The following KHDRBS2 variants were observed in gnomAD, a reference collection of about 807,000 sequenced individuals.
KHDRBS2 encodes KH RNA binding domain containing, signal transduction associated 2, also known as KH domain-containing, RNA-binding, signal transduction-associated protein 2.
KHDRBS2 carries 26 observed loss-of-function variants against 44.3 expected under a neutral mutation model. The observed-to-expected ratio is 0.59, with a 90% CI of 0.43 to 0.81. The LOEUF is 0.81. Ranked by LOEUF, KHDRBS2 falls within the 40% of genes least tolerant of loss-of-function variation. KHDRBS2 has a pLI of 0.00. For synonymous variants in KHDRBS2, 194 were observed against 151.1 expected, an observed-to-expected ratio of 1.28 and a Z score of -2.08; for missense variants, 476 against 433.1, an observed-to-expected ratio of 1.10 and a Z score of -0.88.
intron 2 of KHDRBS2, among the ~76,000 whole-genome samples, chr6:62,148,659 A>G (rs1386484735): frequency 6.6e-6 from 1 of 151,906 alleles, no homozygotes; most frequent in Non-Finnish European, 1.5e-5. Context: ...CTCTCTCACC[A>G]TTTGCTCACG....
intron 1 of KHDRBS2, among the ~76,000 whole-genome samples, chr6:62,202,861 G>T: frequency 6.6e-6 from 1 of 152,084 alleles, no homozygotes; most frequent in East Asian, 1.9e-4. Context: ...TGTGTGAAAA[G>T]GGTATGAAAA....
the KHDRBS2 span, among the ~76,000 whole-genome samples, chr6:61,632,997 C>A: frequency 3.3e-5 from 5 of 151,766 alleles, no homozygotes; most frequent in African/African-American, 1.2e-4. Flanking sequence ...AATAAATTAC[C>A]CTTTGATATC....
the KHDRBS2 span, among the ~76,000 whole-genome samples, chr6:61,556,292 G>A: frequency 0.015 from 2,280 of 152,338 alleles, 58 homozygotes; most frequent in African/African-American, 0.053. Context: ...GGTGGCAATG[G>A]CAGTGCAGGG....
chr6:61,938,810 G>C (rs1811528174), intron 4 of KHDRBS2, among the ~76,000 whole-genome samples: 1 of 152,190 alleles, frequency 6.6e-6, no homozygotes. Context: ...TCTATAAAGA[G>C]AAAAAAGCAA....
chr6:61,596,886 G>A, the KHDRBS2 span, among the ~76,000 whole-genome samples: 7 of 151,966 alleles, frequency 4.6e-5, no homozygotes, highest in East Asian at 1.9e-4. Flanking sequence ...TCTTGACCTC[G>A]TGATCCACCT....
chr6:61,608,537 C>T, the KHDRBS2 span, among the ~76,000 whole-genome samples: 1 of 151,948 alleles, frequency 6.6e-6, no homozygotes, highest in African/African-American at 2.4e-5. Context: ...TTGCTGCACT[C>T]ATCAACCCAT....
At chr6:61,673,901 C>A in the KHDRBS2 span, among the ~76,000 whole-genome samples, 3 of 150,168 alleles carry the variant, frequency 2.0e-5, no homozygotes, top group East Asian at 2.0e-4. Context: ...CAATGACTTT[C>A]TTCACAGAAT....
At chr6:61,843,745 C>T (rs1304616072) in intron 6 of KHDRBS2, among the ~76,000 whole-genome samples, 5 of 152,028 alleles carry the variant, frequency 3.3e-5, no homozygotes, top group African/African-American at 1.2e-4. Context: ...TTTCTTTTCA[C>T]ATGCATATAG....
intron 1 of KHDRBS2, among the ~76,000 whole-genome samples, chr6:62,249,866 A>G (rs1295985020): frequency 6.6e-6 from 1 of 152,066 alleles, no homozygotes; most frequent in Non-Finnish European, 1.5e-5. Context: ...CTTGCTTTAA[A>G]TAACTAATAT....
chr6:61,636,681 C>G, the KHDRBS2 span, among the ~76,000 whole-genome samples: 1 of 152,208 alleles, frequency 6.6e-6, no homozygotes, highest in African/African-American at 2.4e-5. Flanking sequence ...TACGATGGCT[C>G]TCCACCACTA....
chr6:61,655,335 AC>A, the KHDRBS2 span, among the ~76,000 whole-genome samples: 6 of 151,544 alleles, frequency 4.0e-5, no homozygotes, highest in Non-Finnish European at 7.4e-5. Flanking sequence ...GCTCCCTGCA[AC>A]CTCCACCTAC....
At chr6:61,777,842 T>C (rs969591815) in intron 6 of KHDRBS2, among the ~76,000 whole-genome samples, 2 of 152,146 alleles carry the variant, frequency 1.3e-5, no homozygotes, top group Non-Finnish European at 1.5e-5. Flanking sequence ...TATTTATTTA[T>C]TTGCTTTCCT....
chr6:62,209,941 TAGTTTTGGG>T (rs1158295668), intron 1 of KHDRBS2, among the ~76,000 whole-genome samples: 1 of 152,154 alleles, frequency 6.6e-6, no homozygotes, highest in East Asian at 1.9e-4. Flanking sequence ...CCTACTTTTG[TAGTTTTGGG>T]ACTCAGACTA....
At chr6:61,587,946 A>G in the KHDRBS2 span, among the ~76,000 whole-genome samples, 1 of 152,190 alleles carries the variant, frequency 6.6e-6, no homozygotes, top group Non-Finnish European at 1.5e-5. Flanking sequence ...TGTGCTTAAG[A>G]AACAGCATTT....
At chr6:61,693,438 T>C (rs1174262286) in intron 8 of KHDRBS2, among the ~76,000 whole-genome samples, 7 of 152,122 alleles carry the variant, frequency 4.6e-5, no homozygotes, top group Non-Finnish European at 8.8e-5. Flanking sequence ...GCATAGGATA[T>C]GAGAGCAAGA....
At chr6:62,252,352 C>T (rs969707443) in intron 1 of KHDRBS2, among the ~76,000 whole-genome samples, 3 of 151,904 alleles carry the variant, frequency 2.0e-5, no homozygotes, top group African/African-American at 7.2e-5. Context: ...TTTATCTTAC[C>T]TATTTGAATA....
chr6:61,648,363 TGGATAGTAATACCA>T, the KHDRBS2 span, among the ~76,000 whole-genome samples: 4 of 152,154 alleles, frequency 2.6e-5, no homozygotes, highest in African/African-American at 7.2e-5. Flanking sequence ...GAAGAAAGAA[TGGATAGTAATACCA>T]TCATCATGAA....
chr6:61,674,868 A>G, the KHDRBS2 span, among the ~76,000 whole-genome samples: 13 of 151,758 alleles, frequency 8.6e-5, no homozygotes, highest in African/African-American at 3.1e-4. Flanking sequence ...ACGAAAATAT[A>G]GAGAGAATGA....
At chr6:62,007,304 C>T (rs188705902) in intron 3 of KHDRBS2, among the ~76,000 whole-genome samples, 45 of 152,032 alleles carry the variant, frequency 3.0e-4, no homozygotes, top group African/African-American at 9.6e-4. Context: ...GTTTGTTGTC[C>T]AGTAAAGGTC....
Sources: allele counts gnomAD v4.1 joint callset (sites outside exome capture counted in the v4.1 genomes callset), GRCh38; gene constraint gnomAD v4.1.1; transcripts MANE v1.5; gene names NCBI Gene and HGNC (gene_info 2026-07-23, HGNC 2026-07-21).